The following EPHX4 variants were observed in gnomAD, a reference collection of about 807,000 sequenced individuals.
The protein encoded by EPHX4 is abhydrolase domain containing 7.
Under a neutral mutation model 44.9 loss-of-function variants are expected in EPHX4, and 31 were observed. That is an observed-to-expected ratio of 0.69 (90% CI 0.52 to 0.93). EPHX4 has a LOEUF of 0.93. EPHX4 is among the 40% of genes least tolerant of loss of function. EPHX4 has a pLI of 0.00. For synonymous variants in EPHX4, 151 were observed against 159.7 expected, an observed-to-expected ratio of 0.95 and a Z score of 0.41; for missense variants, 373 against 438.1, an observed-to-expected ratio of 0.85 and a Z score of 1.33.
At chr1:92,046,237 A>G (rs568779102) in intron 4 of EPHX4, among the ~76,000 whole-genome samples, 1 of 152,314 alleles carries the variant, frequency 6.6e-6, no homozygotes, top group South Asian at 2.1e-4. Flanking sequence ...AGCTAACTAC[A>G]TCTTCCAAAA....
chr1:92,062,288 G>A (rs1159264726), intron 6 of EPHX4, among the ~76,000 whole-genome samples: 1 of 150,872 alleles, frequency 6.6e-6, no homozygotes, highest in African/African-American at 2.4e-5. Flanking sequence ...GTATCCTTTT[G>A]AAACAAATTA....
chr1:92,063,413 C>T lies in EPHX4; in HGVS notation c.*127C>T. On this transcript the variant is annotated 3_prime_UTR_variant, in exon 7 of 7. Coordinates refer to ENST00000370383, the MANE Select transcript of EPHX4 (RefSeq NM_173567.5). ...AATGTGCTTTATCATAAATAAATATCCTGACAAATGGTATTGAAAAAAATC... is the reference window on the plus strand; with the variant it reads ...AATGTGCTTTATCATAAATAAATATTCTGACAAATGGTATTGAAAAAAATC... 6.2e-6 allele frequency: 4 copies of T among 648,090 alleles called. No homozygotes were observed. The highest frequency in any genetic ancestry group is 8.7e-4 in the Middle Eastern group (2 of 2,306). The allele number at this position is 648,090 out of a possible 1,614,324, so 40.1% of individuals were successfully genotyped here.
intron 5 of EPHX4, among the ~76,000 whole-genome samples, chr1:92,051,433 G>T (rs1334822934): frequency 1.3e-5 from 2 of 151,830 alleles, no homozygotes; most frequent in Non-Finnish European, 2.9e-5. Flanking sequence ...ATGTATACTA[G>T]TGCCTTCTTT....
At position 92,063,281 on chromosome 1, in the gene EPHX4, G is replaced by T; in HGVS notation, c.1084G>T (p.Asp362Tyr). The T allele has an allele frequency of 6.3e-7, 1 of 1,582,798 alleles. No homozygotes were observed. The highest frequency in any genetic ancestry group is 8.6e-7 in the Non-Finnish European group (1 of 1,160,332). ...TFLKEETRKK[D>Y] is the part of the protein sequence containing the mutation. ...TCTAAAAGAAGAAACAAGAAAAAAA[G>T]ATTGACTTTTCTTTATCTTCTATGA... The change falls in exon 7 of 7, where the codon GAT becomes TAT. Residue 362 changes from aspartate to tyrosine, a missense_variant. Transcript: ENST00000370383.
At chr1:92,046,708 C>T (rs866580041) in intron 4 of EPHX4, among the ~76,000 whole-genome samples, 1 of 152,158 alleles carries the variant, frequency 6.6e-6, no homozygotes, top group Non-Finnish European at 1.5e-5. Context: ...GTGATCCGCC[C>T]GCCTCAGCCT....
At chr1:92,037,886 A>T (rs1688463244) in intron 2 of EPHX4, among the ~76,000 whole-genome samples, 1 of 152,178 alleles carries the variant, frequency 6.6e-6, no homozygotes, top group Non-Finnish European at 1.5e-5. Context: ...AATGTGTTTC[A>T]TTCCTGTATC....
intron 4 of EPHX4, among the ~76,000 whole-genome samples, chr1:92,046,748 C>T (rs1486703060): frequency 6.6e-6 from 1 of 152,130 alleles, no homozygotes; most frequent in Admixed American, 6.6e-5. Context: ...AGGCGTGAGC[C>T]ACCGCGCCCT....
chr1:92,047,176 A>G (rs141719986), intron 4 of EPHX4, among the ~76,000 whole-genome samples: 1 of 152,328 alleles, frequency 6.6e-6, no homozygotes, highest in Non-Finnish European at 1.5e-5. Context: ...AGATTATCCG[A>G]CAAATACCCA....
intron 6 of EPHX4, among the ~76,000 whole-genome samples, chr1:92,059,448 T>C (rs552044659): frequency 6.6e-6 from 1 of 151,972 alleles, no homozygotes; most frequent in South Asian, 2.1e-4. Context: ...AAAAAAAAGA[T>C]AAACTTGACT....
chr1:92,053,614 TG>T (rs1307898638), intron 6 of EPHX4, among the ~76,000 whole-genome samples: 2 of 151,892 alleles, frequency 1.3e-5, no homozygotes, highest in East Asian at 3.9e-4. Flanking sequence ...ACAGTGGAGA[TG>T]GAGAGAGTGG....
At chr1:92,036,165 T>A (rs1688434320) in intron 2 of EPHX4, among the ~76,000 whole-genome samples, 1 of 152,244 alleles carries the variant, frequency 6.6e-6, no homozygotes, top group African/African-American at 2.4e-5. Flanking sequence ...AGCTATTTTC[T>A]TTCTCTACCT....
intron 4 of EPHX4, among the ~76,000 whole-genome samples, chr1:92,049,877 T>C (rs1166486618): frequency 6.6e-6 from 1 of 152,054 alleles, no homozygotes; most frequent in Admixed American, 6.5e-5. Flanking sequence ...GGTGGGCAGA[T>C]CACCTGAGTC....
chr1:92,036,377 C>G (rs1688436457), intron 2 of EPHX4, among the ~76,000 whole-genome samples: 1 of 152,078 alleles, frequency 6.6e-6, no homozygotes, highest in Non-Finnish European at 1.5e-5. Flanking sequence ...AGCCCTTTTG[C>G]AAAATAGAAA....
intron 2 of EPHX4, among the ~76,000 whole-genome samples, chr1:92,039,206 T>C (rs1195239944): frequency 2.0e-5 from 3 of 152,146 alleles, no homozygotes; most frequent in African/African-American, 4.8e-5. Flanking sequence ...TTATGGGTAA[T>C]AGGGAGTCAA....
chr1:92,030,597 G>GC (rs1171057277), intron 1 of EPHX4, among the ~76,000 whole-genome samples: 1 of 151,706 alleles, frequency 6.6e-6, no homozygotes, highest in African/African-American at 2.4e-5. Context: ...TTATATTACT[G>GC]CCCCCCGGCG....
chr1:92,056,005 G>A (rs1372625038), intron 6 of EPHX4, among the ~76,000 whole-genome samples: 1 of 152,088 alleles, frequency 6.6e-6, no homozygotes, highest in East Asian at 1.9e-4. Context: ...GAGAGAGAGA[G>A]AGAGGGAGAA....
intron 3 of EPHX4, 153 bp downstream of exon 3, chr1:92,043,133 T>C (rs1203858764): frequency 8.4e-6 from 5 of 594,330 alleles, no homozygotes; most frequent in Non-Finnish European, 1.1e-5. Flanking sequence ...GCCCAAAATA[T>C]CTGTACAGGA....
chr1:92,062,882 T>C (rs1215019293), intron 6 of EPHX4, among the ~76,000 whole-genome samples, 173 bp from the exon 7 acceptor site: 2 of 152,168 alleles, frequency 1.3e-5, no homozygotes, highest in Non-Finnish European at 2.9e-5. Flanking sequence ...TGTATATCCA[T>C]GCTTTATATA....
At chr1:92,052,854 C>T (rs1327435982) in intron 6 of EPHX4, among the ~76,000 whole-genome samples, 196 bp downstream of exon 6, 2 of 152,048 alleles carry the variant, frequency 1.3e-5, no homozygotes, top group Non-Finnish European at 2.9e-5. Context: ...TATAACAAAT[C>T]CTTCATGTAG....
Sources: gnomAD v4.1 joint callset for allele counts (sites outside exome capture counted in the v4.1 genomes callset) on GRCh38, gnomAD v4.1.1 for gene constraint, MANE v1.5 for transcripts, NCBI Gene and HGNC (gene_info 2026-07-23, HGNC 2026-07-21) for gene names.